SHISA9: variants seen among roughly 807,000 people sequenced by gnomAD.
SHISA9 encodes the protein shisa family member 9, also known as protein shisa-9.
Under a neutral mutation model 38.0 loss-of-function variants are expected in SHISA9, and 13 were observed. The ratio of observed to expected loss-of-function variants is 0.34; its 90% confidence interval spans 0.22 to 0.54. The LOEUF is 0.54. SHISA9 is among the 20% of genes least tolerant of loss of function. The pLI is 0.91. For missense variants in SHISA9, 538 were observed against 575.8 expected, an observed-to-expected ratio of 0.93 and a Z score of 0.67; for synonymous variants, 275 against 242.0, an observed-to-expected ratio of 1.14 and a Z score of -1.27.
intron 2 of SHISA9, among the ~76,000 whole-genome samples, chr16:13,061,864 A>C (rs1198710227): frequency 6.6e-6 from 1 of 152,210 alleles, no homozygotes. Context: ...AGGCTAAAAA[A>C]GATATAGAGC....
chr16:13,494,662 A>G, the SHISA9 span, among the ~76,000 whole-genome samples: 2 of 152,214 alleles, frequency 1.3e-5, no homozygotes, highest in African/African-American at 4.8e-5. Flanking sequence ...GAATTGAGAT[A>G]CATCCATATG....
At chr16:12,930,703 C>T (rs1431572538) in intron 2 of SHISA9, among the ~76,000 whole-genome samples, 1 of 151,942 alleles carries the variant, frequency 6.6e-6, no homozygotes. Context: ...GCAAAGTAAC[C>T]TTAATAATCT....
intron 2 of SHISA9, among the ~76,000 whole-genome samples, chr16:12,965,882 A>G (rs999559643): frequency 4.6e-5 from 7 of 152,250 alleles, no homozygotes; most frequent in African/African-American, 1.7e-4. Context: ...TTTTTCATTG[A>G]AGAAATAGCA....
the SHISA9 span, among the ~76,000 whole-genome samples, chr16:13,374,494 C>A: frequency 1.5e-4 from 23 of 152,188 alleles, no homozygotes; most frequent in Admixed American, 1.5e-3. Context: ...AGGACATGAA[C>A]TCATCCTTTT....
intron 2 of SHISA9, among the ~76,000 whole-genome samples, chr16:13,135,961 C>A (rs776332656): frequency 3.2e-4 from 48 of 152,178 alleles, no homozygotes; most frequent in Non-Finnish European, 5.0e-4. Context: ...AGTCCCAGGC[C>A]ATTTGAAACT....
chr16:13,085,226 C>T (rs1401192084), intron 2 of SHISA9, among the ~76,000 whole-genome samples: 1 of 152,098 alleles, frequency 6.6e-6, no homozygotes, highest in African/African-American at 2.4e-5. Flanking sequence ...GAGACTATTT[C>T]TCTATATCTA....
At chr16:13,299,206 G>A in the SHISA9 span, among the ~76,000 whole-genome samples, 25 of 152,186 alleles carry the variant, frequency 1.6e-4, no homozygotes, top group Admixed American at 1.5e-3. Context: ...GGCTAAGGGT[G>A]TAAAACTTCC....
intron 3 of SHISA9, among the ~76,000 whole-genome samples, chr16:13,207,583 C>A (rs553434562): frequency 6.6e-5 from 10 of 151,958 alleles, no homozygotes; most frequent in Admixed American, 1.3e-4. Flanking sequence ...TGATGTACCC[C>A]CTCCTGTTCT....
At chr16:13,481,019 C>A in the SHISA9 span, among the ~76,000 whole-genome samples, 1 of 152,198 alleles carries the variant, frequency 6.6e-6, no homozygotes, top group Non-Finnish European at 1.5e-5. Context: ...CCACCCTAAT[C>A]TTACTCATTT....
the SHISA9 span, among the ~76,000 whole-genome samples, chr16:13,556,396 A>C: frequency 6.6e-6 from 1 of 152,070 alleles, no homozygotes; most frequent in African/African-American, 2.4e-5. Context: ...TTTTCACTTA[A>C]TTGATTAATA....
At chr16:13,196,087 CAAAAAAAAAAAAAA>C (rs1172680715) in intron 2 of SHISA9, among the ~76,000 whole-genome samples, 5 of 14,122 alleles carry the variant, frequency 3.5e-4, no homozygotes, top group South Asian at 4.6e-3. Flanking sequence ...GACTCTCTCT[CAAAAAAAAAAAAAA>C]AAAAAAAAAA....
At chr16:13,048,813 T>C (rs1161353072) in intron 2 of SHISA9, among the ~76,000 whole-genome samples, 2 of 152,194 alleles carry the variant, frequency 1.3e-5, no homozygotes, top group Non-Finnish European at 2.9e-5. Flanking sequence ...TCAAGATAAC[T>C]CCATAATAGG....
the SHISA9 span, among the ~76,000 whole-genome samples, chr16:13,498,056 CAAAAT>C: frequency 4.6e-5 from 7 of 151,426 alleles, no homozygotes; most frequent in African/African-American, 1.2e-4. Flanking sequence ...AAATTACAAA[CAAAAT>C]AAAACAACAA....
chr16:13,071,549 A>C (rs1250966880), intron 2 of SHISA9, among the ~76,000 whole-genome samples: 26 of 119,488 alleles, frequency 2.2e-4, no homozygotes, highest in African/African-American at 8.2e-4. Flanking sequence ...CCCTCCCTCC[A>C]TTCCCTTTTT....
chr16:13,138,814 A>T (rs1376488904), intron 2 of SHISA9, among the ~76,000 whole-genome samples: 1 of 149,328 alleles, frequency 6.7e-6, no homozygotes, highest in Non-Finnish European at 1.5e-5. Flanking sequence ...AACTTTTATT[A>T]TTTTTTTTTT....
At chr16:13,205,741 G>C (rs916300481) in intron 3 of SHISA9, among the ~76,000 whole-genome samples, 1 of 152,034 alleles carries the variant, frequency 6.6e-6, no homozygotes, top group Non-Finnish European at 1.5e-5. Context: ...AGCATGCTCA[G>C]ATATCATAGG....
chr16:13,410,818 G>A, the SHISA9 span, among the ~76,000 whole-genome samples: 1 of 152,318 alleles, frequency 6.6e-6, no homozygotes, highest in Admixed American at 6.5e-5. Flanking sequence ...AATACACCTA[G>A]TGAAAAGGAT....
At chr16:13,252,206 C>G in the SHISA9 span, among the ~76,000 whole-genome samples, 1 of 152,200 alleles carries the variant, frequency 6.6e-6, no homozygotes, top group South Asian at 2.1e-4. Context: ...TCACTCTGCT[C>G]CAGCCCCCAC....
chr16:13,560,132 C>T, the SHISA9 span, among the ~76,000 whole-genome samples: 1 of 152,230 alleles, frequency 6.6e-6, no homozygotes, highest in African/African-American at 2.4e-5. Flanking sequence ...AGTTTTGCAG[C>T]TCTGCTTTTC....
Sources: allele counts gnomAD v4.1 joint callset (sites outside exome capture counted in the v4.1 genomes callset), GRCh38; gene constraint gnomAD v4.1.1; transcripts MANE v1.5; gene names NCBI Gene and HGNC (gene_info 2026-07-23, HGNC 2026-07-21).